GEMIN8: variants seen among roughly 807,000 people sequenced by gnomAD.
GEMIN8 encodes the protein gem nuclear organelle associated protein 8.
For missense variants in GEMIN8, 185 were observed against 205.9 expected, an observed-to-expected ratio of 0.90 and a Z score of 0.62; for synonymous variants, 80 against 78.5, an observed-to-expected ratio of 1.02 and a Z score of -0.10.
downstream of GEMIN8, among the ~76,000 whole-genome samples, chrX:14,001,929 C>G (rs1278066016): frequency 2.8e-5 from 3 of 107,151 alleles, no homozygotes; most frequent in Non-Finnish European, 5.8e-5. Flanking sequence ...TAGAGACCAG[C>G]CTGGCCAACA....
chrX:14,023,382 CTT>C (rs753935449), intron 2 of GEMIN8, among the ~76,000 whole-genome samples: 18 of 100,142 alleles, frequency 1.8e-4, no homozygotes, highest in Non-Finnish European at 1.4e-4. Context: ...TTTTATATTC[CTT>C]TTTTTTTTTT....
chrX:14,025,555 C>T (rs1253987805), intron 2 of GEMIN8, among the ~76,000 whole-genome samples: 1 of 111,483 alleles, frequency 9.0e-6, no homozygotes, highest in Non-Finnish European at 1.9e-5. Flanking sequence ...ACGATTCTCA[C>T]ACGTTTCATA....
the GEMIN8 span, among the ~76,000 whole-genome samples, chrX:13,985,928 A>G: frequency 9.0e-6 from 1 of 111,199 alleles, no homozygotes; most frequent in Non-Finnish European, 1.9e-5. Context: ...AATGCCTTTT[A>G]TGGTTTCTTT....
At position 14,007,849 on chromosome X, in the gene GEMIN8, A is replaced by T. The variant is rs141905192; in HGVS notation, c.*1064T>A. Among the ~76,000 whole-genome samples the T allele has an allele frequency of 9.1e-6, 1 of 110,239 alleles. No individual in the cohort carries two copies. Among genetic ancestry groups the T allele is most frequent in the Non-Finnish European group, 1.9e-5 (1 of 52,700 alleles). On this transcript the variant is annotated 3_prime_UTR_variant, in exon 5 of 5. Transcript: ENST00000680255. ...GCCGGAATTATTGTTCTTTGCTCTC[A>T]ATTCTGTATGACATCTAAGCTCTGT...
rs1390938206 is a variant in GEMIN8 at position 14,022,068 on chromosome X, G to GTATATA, written c.-33-563_-33-558dup. ...AATGTGTATATATATGTGTGTGTGT[G>GTATATA]TATATATATATACACACACACACAA... On this transcript the variant is annotated intron_variant, in intron 2 of 4. Coordinates refer to ENST00000680255, the MANE Select transcript of GEMIN8 (RefSeq NM_001042479.2). Among the ~76,000 whole-genome samples the GTATATA allele has an allele frequency of 7.0e-5, 7 of 99,356 alleles. No individual in the cohort carries two copies. In the Admixed American group the frequency reaches 7.7e-4, roughly 11 times the overall value. The allele number at this position is 99,356 out of a possible 115,157, so 86.3% of individuals were successfully genotyped here.
intron 2 of GEMIN8, among the ~76,000 whole-genome samples, chrX:14,022,041 A>G (rs1373473540): frequency 9.8e-6 from 1 of 101,683 alleles, no homozygotes; most frequent in Non-Finnish European, 2.0e-5. Context: ...ACATGTATAT[A>G]TAATGTGTAT....
At chrX:14,021,313 T>A in intron 3 of GEMIN8, 151 bp downstream of exon 3, 1 of 367,044 alleles carries the variant, frequency 2.7e-6, no homozygotes, top group Non-Finnish European at 4.9e-6. Flanking sequence ...AGTTAATGGG[T>A]GCAGCACACC....
At position 14,008,696 on chromosome X, in the gene GEMIN8, C is replaced by A; in HGVS notation, c.*217G>T. On this transcript the variant is annotated 3_prime_UTR_variant, in exon 5 of 5. Transcript: ENST00000680255. ...TAGTATATGCAAAATTATTTTATGT[C>A]AGGAGAAAATTTATCATGTTGGCAA... is the stretch of plus-strand genomic sequence containing the variant. 2.3e-6 allele frequency: 1 copy of A among 425,874 alleles called. No homozygotes were observed. Among genetic ancestry groups the A allele is most frequent in the Non-Finnish European group, 4.1e-6 (1 of 245,437 alleles). The allele number at this position is 425,874 out of a possible 1,213,427, so 35.1% of individuals were successfully genotyped here.
At chrX:14,021,710 G>C (rs1376500766) in intron 2 of GEMIN8, among the ~76,000 whole-genome samples, 199 bp from the exon 3 acceptor site, 1 of 105,109 alleles carries the variant, frequency 9.5e-6, no homozygotes, top group East Asian at 3.0e-4. Flanking sequence ...ACTTAGGTTT[G>C]ATTAAGTGGG....
At chrX:13,985,092 A>G in the GEMIN8 span, among the ~76,000 whole-genome samples, 1 of 111,692 alleles carries the variant, frequency 9.0e-6, no homozygotes, top group Non-Finnish European at 1.9e-5. Flanking sequence ...CACCTCTGTA[A>G]CAACCTCTCA....
At chrX:14,014,905 A>G (rs1012858119) in intron 4 of GEMIN8, among the ~76,000 whole-genome samples, 8 of 111,490 alleles carry the variant, frequency 7.2e-5, no homozygotes, top group Admixed American at 9.5e-5. Flanking sequence ...GGCCTAGTGC[A>G]TACCTTACTT....
intron 4 of GEMIN8, chrX:14,013,795 T>G (rs1241538795): frequency 6.9e-6 from 1 of 144,395 alleles, no homozygotes; most frequent in Non-Finnish European, 1.2e-5. Flanking sequence ...TCTGTTTTTT[T>G]TTTTTTTTTA....
chrX:13,991,548 G>A, the GEMIN8 span, among the ~76,000 whole-genome samples: 1 of 111,513 alleles, frequency 9.0e-6, no homozygotes, highest in African/African-American at 3.3e-5. Context: ...GTATGCTAAT[G>A]CCTGTTCTAC....
chrX:14,015,584 C>G (rs922387725), intron 4 of GEMIN8, among the ~76,000 whole-genome samples: 3 of 112,142 alleles, frequency 2.7e-5, no homozygotes, highest in African/African-American at 9.7e-5. Context: ...ATCTGAAGGC[C>G]TTTATCCTAA....
At chrX:14,019,453 A>G (rs1924151330) in intron 4 of GEMIN8, among the ~76,000 whole-genome samples, 2 of 112,087 alleles carry the variant, frequency 1.8e-5, no homozygotes, top group African/African-American at 6.5e-5. Context: ...AACCAACAGG[A>G]AAGTTGTAAG....
At chrX:14,021,661 T>C in intron 2 of GEMIN8, 150 bp from the exon 3 acceptor site, 1 of 410,495 alleles carries the variant, frequency 2.4e-6, no homozygotes, top group South Asian at 5.4e-5. Context: ...TGACGTTGGT[T>C]CCTGGGCTAT....
intron 4 of GEMIN8, among the ~76,000 whole-genome samples, chrX:14,016,232 C>T (rs948788587): frequency 2.7e-5 from 3 of 111,810 alleles, no homozygotes; most frequent in Non-Finnish European, 5.6e-5. Flanking sequence ...ATGACACAGA[C>T]GCTAAGAAAA....
At chrX:14,021,656 T>C in intron 2 of GEMIN8, 145 bp from the exon 3 acceptor site, 1 of 425,026 alleles carries the variant, frequency 2.4e-6, no homozygotes, top group Non-Finnish European at 4.1e-6. Context: ...CTATATGACG[T>C]TGGTTCCTGG....
intron 4 of GEMIN8, among the ~76,000 whole-genome samples, chrX:14,017,583 A>C (rs1396939270): frequency 8.9e-6 from 1 of 112,139 alleles, no homozygotes; most frequent in African/African-American, 3.2e-5. Context: ...GGAGGTCAGA[A>C]GTCTGCAATC....
Sources: gnomAD v4.1 joint callset for allele counts (sites outside exome capture counted in the v4.1 genomes callset) on GRCh38, gnomAD v4.1.1 for gene constraint, MANE v1.5 for transcripts, NCBI Gene and HGNC (gene_info 2026-07-23, HGNC 2026-07-21) for gene names.